PRKN: variants seen among roughly 807,000 people sequenced by gnomAD.
The protein encoded by PRKN is parkin RBR E3 ubiquitin protein ligase, also known as E3 ubiquitin-protein ligase parkin.
In PRKN, 56 loss-of-function variants were observed where a neutral mutation model predicts 59.5. The observed-to-expected ratio is 0.94, with a 90% CI of 0.76 to 1.18. PRKN has a LOEUF of 1.18. Ranked by LOEUF, PRKN falls within the 50% of genes most tolerant of loss-of-function variation. PRKN has a pLI of 0.00. For missense variants in PRKN, 657 were observed against 596.4 expected (o/e 1.10, Z -1.06); for synonymous variants, 250 against 222.1 (o/e 1.13, Z -1.12).
intron 5 of PRKN, among the ~76,000 whole-genome samples, chr6:162,005,666 A>T (rs978717320): frequency 6.6e-6 from 1 of 152,156 alleles, no homozygotes; most frequent in African/African-American, 2.4e-5. Flanking sequence ...AAAAGCCTTC[A>T]TTCATGATAA....
rs554254886 is a variant in PRKN at position 162,051,396 on chromosome 6, G to A, written c.618+2695C>T. Among the ~76,000 whole-genome samples, 7 of 152,266 alleles carry A rather than the reference G, an allele frequency of 4.6e-5. No homozygotes were observed. The South Asian group carries it at 8.3e-4, about 18-fold the overall frequency. On this transcript the variant is annotated intron_variant, in intron 5 of 11. Coordinates refer to ENST00000366898, the MANE Select transcript of PRKN (RefSeq NM_004562.3). ...GTCACCCGGAACTTCACAGGCTAAC[G>A]GGCCTCATGAGCAAAGCCAGCGTGG...
chr6:162,452,996 A>G (rs532155940), intron 1 of PRKN, among the ~76,000 whole-genome samples: 3 of 152,352 alleles, frequency 2.0e-5, no homozygotes, highest in Admixed American at 2.0e-4. Context: ...AAAAACAAAA[A>G]GAGAGAAACT....
chr6:161,893,724 A>C (rs145832721), intron 6 of PRKN, among the ~76,000 whole-genome samples: 32 of 152,346 alleles, frequency 2.1e-4, no homozygotes, highest in African/African-American at 7.2e-4. Context: ...ATATAAGATG[A>C]TAACAATGAT....
rs565396675 is a variant in PRKN, at chr6:161,791,411, G to A, written c.735-5503C>T. On this transcript the variant is annotated intron_variant, in intron 6 of 11. Coordinates refer to ENST00000366898, the MANE Select transcript of PRKN (RefSeq NM_004562.3). ...TCTAGCATCTACAAAAATAGCATGC[G>A]AGTTTTTATGTTTATCTAGAAAAAT... 1.1e-4 allele frequency among the ~76,000 whole-genome samples: 17 copies of A among 152,284 alleles called. No individual in the cohort carries two copies. In the South Asian group the frequency reaches 2.5e-3, roughly 22 times the overall value.
At chr6:162,727,600 G>T in intron 1 of PRKN, 62 bp downstream of exon 1, 8 of 1,528,224 alleles carry the variant, frequency 5.2e-6, no homozygotes, top group Non-Finnish European at 5.3e-6. Context: ...GAGGCGGGGC[G>T]TGGCGCCATA....
intron 3 of PRKN, among the ~76,000 whole-genome samples, chr6:162,218,639 G>C (rs528635418): frequency 3.0e-4 from 45 of 152,220 alleles, no homozygotes; most frequent in African/African-American, 1.1e-3. Context: ...ATGAGACTAA[G>C]GTATCAGTTC....
chr6:162,067,197 C>T (rs1482174864), intron 4 of PRKN, among the ~76,000 whole-genome samples: 2 of 152,142 alleles, frequency 1.3e-5, no homozygotes, highest in Non-Finnish European at 2.9e-5. Context: ...CCTTGAACCA[C>T]CTATCTAAAC....
In PRKN at chr6:161,873,945, G is replaced by GTA. The variant is rs1562353314; in HGVS notation, c.735-88038_735-88037insTA. ...TATAAAATATATAATATATATAAAA[G>GTA]AAATATATATTATATGTAAAATATA... is the stretch of plus-strand genomic sequence containing the variant. On this transcript the variant is annotated intron_variant, in intron 6 of 11. Coordinates refer to ENST00000366898, the MANE Select transcript of PRKN (RefSeq NM_004562.3). 2.9e-4 allele frequency among the ~76,000 whole-genome samples: 28 copies of GTA among 95,340 alleles called. 5 individuals are homozygous for GTA. The highest frequency in any genetic ancestry group is 1.4e-3 in the African/African-American group (28 of 19,404). 62.5% of individuals were successfully genotyped at this position (95,340 alleles called of 152,430 possible). A position where few individuals can be genotyped will look rare whatever the true frequency, so the allele number is the denominator to read the frequency against.
At chr6:161,434,909 T>C (rs1302676853) in intron 9 of PRKN, among the ~76,000 whole-genome samples, 2 of 152,094 alleles carry the variant, frequency 1.3e-5, no homozygotes, top group Admixed American at 1.3e-4. Flanking sequence ...TAACGTAGCA[T>C]GTGTGTTTCT....
chr6:162,500,362 G>A (rs748993079), intron 1 of PRKN, among the ~76,000 whole-genome samples: 42 of 151,892 alleles, frequency 2.8e-4, no homozygotes, highest in Non-Finnish European at 5.3e-4. Flanking sequence ...TAGTAGAGAC[G>A]GTGTTTTACA....
At chr6:161,993,589 T>C (rs1781730319) in intron 5 of PRKN, among the ~76,000 whole-genome samples, 3 of 152,170 alleles carry the variant, frequency 2.0e-5, no homozygotes, top group Admixed American at 2.0e-4. Flanking sequence ...TCCTAATGCA[T>C]TCTACGTGGC....
intron 1 of PRKN, among the ~76,000 whole-genome samples, chr6:162,446,315 G>A (rs1428861429): frequency 6.6e-6 from 1 of 152,180 alleles, no homozygotes; most frequent in Non-Finnish European, 1.5e-5. Context: ...AGGAATGTGG[G>A]AAGAAGTGGC....
intron 4 of PRKN, among the ~76,000 whole-genome samples, chr6:162,074,195 C>A (rs538112516): frequency 8.3e-4 from 114 of 137,384 alleles, no homozygotes; most frequent in African/African-American, 2.7e-3. Context: ...TGTTTATTGC[C>A]GCATTATTCA....
At chr6:161,783,721 G>A (rs1213803830) in intron 7 of PRKN, 1 of 491,038 alleles carries the variant, frequency 2.0e-6, no homozygotes, top group Middle Eastern at 3.2e-4. Flanking sequence ...GCATTACAGA[G>A]TTTTCCAATC....
Position 161,388,020 on chromosome 6 carries a change from G to A in PRKN, c.1084-1143C>T, listed in dbSNP as rs908024949. Among the ~76,000 whole-genome samples the A allele has an allele frequency of 3.3e-5, 5 of 152,144 alleles. No individual in the cohort carries two copies. Among genetic ancestry groups the A allele is most frequent in the Non-Finnish European group, 7.3e-5 (5 of 68,030 alleles). The stretch of plus-strand genomic sequence containing the variant: ...GTGAATGCCAGAGAGGCTCGTTTAG[G>A]GCTGTCTGTCTGGGATCCATGGACC... On this transcript the variant is annotated intron_variant, in intron 9 of 11. Transcript: ENST00000366898. This position sits in a 1 kb window ranked among gnomAD's most constrained non-coding sequence, Gnocchi z 4.3.
Position 161,498,170 on chromosome 6 carries a change from C to T in PRKN, c.1083+50684G>A, listed in dbSNP as rs1377748703. ...ATTGTTAATCAATTTCTAACCTATA[C>T]TATTCATAATTTAGCTGATAGAAAC... On this transcript the variant is annotated intron_variant, in intron 9 of 11. Coordinates refer to ENST00000366898, the MANE Select transcript of PRKN (RefSeq NM_004562.3). This position sits in a 1 kb window ranked among gnomAD's most constrained non-coding sequence, Gnocchi z 4.2. 6.6e-6 allele frequency among the ~76,000 whole-genome samples: 1 copy of T among 152,186 alleles called. No homozygotes were observed. The highest frequency in any genetic ancestry group is 2.4e-5 in the African/African-American group (1 of 41,444).
At chr6:162,508,657 G>C (rs1463719793) in intron 1 of PRKN, among the ~76,000 whole-genome samples, 2 of 152,124 alleles carry the variant, frequency 1.3e-5, no homozygotes, top group Non-Finnish European at 2.9e-5. Flanking sequence ...CCCAGGGTTA[G>C]GGGCTCTCTT....
intron 4 of PRKN, among the ~76,000 whole-genome samples, chr6:162,073,722 G>A (rs1002177241): frequency 3.3e-5 from 5 of 152,258 alleles, no homozygotes; most frequent in Non-Finnish European, 5.9e-5. Flanking sequence ...AAAGTGCTGG[G>A]ATTACAGGCT....
chr6:161,872,409 A>T (rs1214967892), intron 6 of PRKN, among the ~76,000 whole-genome samples: 1 of 152,140 alleles, frequency 6.6e-6, no homozygotes, highest in African/African-American at 2.4e-5. Context: ...GTATTGCTTT[A>T]TCTTTCTCAA....
Sources: allele counts gnomAD v4.1 joint callset (sites outside exome capture counted in the v4.1 genomes callset), GRCh38; gene constraint gnomAD v4.1.1; non-coding constraint Gnocchi (gnomAD v3.1); transcripts MANE v1.5; gene names NCBI Gene and HGNC (gene_info 2026-07-23, HGNC 2026-07-21).